BFSP1: variants seen among roughly 807,000 people sequenced by gnomAD.
The protein encoded by BFSP1 is filensin.
Under a neutral mutation model 43.9 loss-of-function variants are expected in BFSP1, and 38 were observed. The ratio of observed to expected loss-of-function variants is 0.87; its 90% CI spans 0.67 to 1.14. BFSP1 has a LOEUF of 1.14. BFSP1 is among the 50% of genes most tolerant of loss of function. The pLI is 0.00. For synonymous variants in BFSP1, 352 were observed against 354.8 expected, an observed-to-expected ratio of 0.99 and a Z score of 0.09; for missense variants, 850 against 875.1, an observed-to-expected ratio of 0.97 and a Z score of 0.36.
chr20:17,526,584 T>C (rs1324401371), intron 1 of BFSP1, among the ~76,000 whole-genome samples: 1 of 152,236 alleles, frequency 6.6e-6, no homozygotes, highest in Admixed American at 6.5e-5. Context: ...GACACTTGGG[T>C]TGCTTCTACA....
At chr20:17,503,630 G>C (rs1315495936) in intron 5 of BFSP1, among the ~76,000 whole-genome samples, 1 of 152,144 alleles carries the variant, frequency 6.6e-6, no homozygotes, top group South Asian at 2.1e-4. Flanking sequence ...AGCAGGATTC[G>C]AATCTACCTG....
At chr20:17,517,154 C>G in intron 2 of BFSP1, 1 of 801,558 alleles carries the variant, frequency 1.2e-6, no homozygotes. Flanking sequence ...TCCTGAAATA[C>G]TATAAGGTAG....
chr20:17,566,117 CAAAAAA>C (rs34133165), intron 1 of BFSP1, among the ~76,000 whole-genome samples: 6 of 88,348 alleles, frequency 6.8e-5, no homozygotes, highest in Admixed American at 2.7e-4. Context: ...GACTCCGTCT[CAAAAAA>C]AAAAAAAAAA....
At chr20:17,551,036 G>A (rs1312560937) in intron 1 of BFSP1, among the ~76,000 whole-genome samples, 1 of 152,210 alleles carries the variant, frequency 6.6e-6, no homozygotes, top group African/African-American at 2.4e-5. Context: ...AGTTCAGGGC[G>A]AGTGTGGTGG....
At chr20:17,499,064 G>A in intron 5 of BFSP1, 24 bp from the exon 6 acceptor site, 1 of 1,605,216 alleles carries the variant, frequency 6.2e-7, no homozygotes, top group Non-Finnish European at 8.5e-7. Context: ...CACGCTGTAA[G>A]AAAATCCATC....
chr20:17,505,519 C>T (rs1370664980), intron 5 of BFSP1, among the ~76,000 whole-genome samples: 1 of 152,390 alleles, frequency 6.6e-6, no homozygotes, highest in South Asian at 2.1e-4. Flanking sequence ...TCTCTCTCGG[C>T]CCGCCCTCCA....
intron 1 of BFSP1, among the ~76,000 whole-genome samples, chr20:17,564,230 G>C (rs2035095346): frequency 6.6e-6 from 1 of 151,854 alleles, no homozygotes; most frequent in Admixed American, 6.6e-5. Context: ...TGGGCATGGT[G>C]GTGGTGTGAG....
intron 2 of BFSP1, among the ~76,000 whole-genome samples, chr20:17,518,483 C>T (rs770123740): frequency 2.0e-5 from 3 of 152,176 alleles, no homozygotes; most frequent in Non-Finnish European, 4.4e-5. Flanking sequence ...CTACCCGGCC[C>T]GGGGCGATCA....
intron 2 of BFSP1, among the ~76,000 whole-genome samples, chr20:17,518,045 C>G (rs970389870): frequency 6.6e-6 from 1 of 152,206 alleles, no homozygotes; most frequent in African/African-American, 2.4e-5. Context: ...CTCCAAGGCT[C>G]CTCCTGATTC....
At chr20:17,532,004 A>G (rs1001893308), upstream of BFSP1, among the ~76,000 whole-genome samples, 2 of 152,116 alleles carry the variant, frequency 1.3e-5, no homozygotes, top group African/African-American at 4.8e-5. Flanking sequence ...TCTTAGTAAT[A>G]CCCGTGCATA....
chr20:17,504,161 C>T (rs138069773), intron 5 of BFSP1, among the ~76,000 whole-genome samples: 127 of 152,286 alleles, frequency 8.3e-4, no homozygotes, highest in Middle Eastern at 3.4e-3. Flanking sequence ...TGGGCGCCCC[C>T]ACAGCCCCCA....
At chr20:17,556,068 A>C (rs1406839400) in intron 1 of BFSP1, among the ~76,000 whole-genome samples, 1 of 152,224 alleles carries the variant, frequency 6.6e-6, no homozygotes, top group Admixed American at 6.5e-5. Context: ...ACCAATGGGA[A>C]AGGATAAGCT....
At chr20:17,551,147 A>C (rs2034889935) in intron 1 of BFSP1, among the ~76,000 whole-genome samples, 1 of 152,188 alleles carries the variant, frequency 6.6e-6, no homozygotes, top group Non-Finnish European at 1.5e-5. Context: ...TAAATACCTT[A>C]GACTGGGTAA....
chr20:17,495,171 C>T (rs929278198), intron 7 of BFSP1, 142 bp from the exon 8 acceptor site: 1 of 833,938 alleles, frequency 1.2e-6, no homozygotes, highest in African/African-American at 1.7e-5. Flanking sequence ...GGAGCAGAAG[C>T]AATGGAAGAA....
exon 1 of BFSP1, chr20:17,558,695 C>A: frequency 6.4e-7 from 1 of 1,552,016 alleles, no homozygotes. Context: ...TACATACTTT[C>A]TCCAGCATGG....
chr20:17,568,812 A>G (rs1290750908), intron 1 of BFSP1, among the ~76,000 whole-genome samples: 1 of 150,538 alleles, frequency 6.6e-6, no homozygotes, highest in Non-Finnish European at 1.5e-5. Context: ...CGGAAAAAAA[A>G]ATACTGACCA....
chr20:17,568,654 C>T (rs892120878), intron 1 of BFSP1, among the ~76,000 whole-genome samples: 2 of 152,076 alleles, frequency 1.3e-5, no homozygotes, highest in African/African-American at 4.8e-5. Flanking sequence ...ACTGCTCTAG[C>T]CCGCCAAAAA....
At chr20:17,509,772 G>A (rs2034031323) in intron 4 of BFSP1, among the ~76,000 whole-genome samples, 1 of 152,190 alleles carries the variant, frequency 6.6e-6, no homozygotes, top group Admixed American at 6.5e-5. Context: ...TGACGCTCCA[G>A]GGAATGGCTA....
chr20:17,561,264 C>T (rs2035064550), upstream of BFSP1, among the ~76,000 whole-genome samples: 2 of 152,104 alleles, frequency 1.3e-5, no homozygotes, highest in African/African-American at 4.8e-5. Flanking sequence ...TTTGGGAAGC[C>T]AAGGCAGGCA....
Sources: allele counts gnomAD v4.1 joint callset (sites outside exome capture counted in the v4.1 genomes callset), GRCh38; gene constraint gnomAD v4.1.1; transcripts MANE v1.5; gene names NCBI Gene and HGNC (gene_info 2026-07-23, HGNC 2026-07-21).